The following PLD1 variants were observed in gnomAD, a reference collection of about 807,000 sequenced individuals.
The protein encoded by PLD1 is choline phosphatase 1.
In PLD1, 112 loss-of-function variants were observed where a neutral mutation model predicts 137.1. The observed-to-expected ratio is 0.82, with a 90% CI of 0.70 to 0.96. The LOEUF (loss-of-function observed/expected upper bound fraction) is 0.96. Ranked by LOEUF, PLD1 falls within the 40% of genes least tolerant of loss-of-function variation. PLD1 has a pLI of 0.00. For missense variants in PLD1, 1,321 were observed against 1,342.0 expected (o/e 0.98, Z 0.24); for synonymous variants, 431 against 454.7 (o/e 0.95, Z 0.66).
intron 1 of PLD1, among the ~76,000 whole-genome samples, chr3:171,752,300 G>A (rs1021111217): frequency 2.0e-5 from 3 of 152,210 alleles, no homozygotes; most frequent in Admixed American, 2.0e-4. Flanking sequence ...AACTTTAGAA[G>A]AGTGGTAACC....
chr3:171,724,086 T>C (rs941174621), intron 8 of PLD1, among the ~76,000 whole-genome samples: 5 of 152,238 alleles, frequency 3.3e-5, no homozygotes, highest in African/African-American at 9.6e-5. Context: ...TCCATAATAC[T>C]GCTATTATAA....
intron 23 of PLD1, among the ~76,000 whole-genome samples, chr3:171,639,583 C>CATATAATATATATTAT (rs1560170054): frequency 7.9e-4 from 53 of 66,754 alleles, no homozygotes; most frequent in African/African-American, 3.4e-3. Context: ...AATATATATT[C>CATATAATATATATTAT]ATATAATATA....
rs2276793 is a variant in PLD1, at chr3:171,677,235, G to A, written c.1996+331C>T. On this transcript the variant is annotated intron_variant, in intron 17 of 26. Coordinates refer to ENST00000351298, the MANE Select transcript of PLD1 (RefSeq NM_002662.5). ...CCTGAAAATATGCCATTCTAACGCTGGAAATGCAGGAAATAAGCAGAATAG... is the reference window on the plus strand; with the variant it reads ...CCTGAAAATATGCCATTCTAACGCTAGAAATGCAGGAAATAAGCAGAATAG... Among the ~76,000 whole-genome samples, 62,009 of 151,712 alleles carry A rather than the reference G, an allele frequency of 0.41. 12,896 individuals carry two copies. The highest frequency in any genetic ancestry group is 0.43 in the Non-Finnish European group (29,243 of 67,872).
At position 171,694,557 on chromosome 3, in the gene PLD1, C is replaced by CAA. The variant is rs3050444; in HGVS notation, c.1228-2117_1228-2116dup. 6.6e-4 allele frequency among the ~76,000 whole-genome samples: 89 copies of CAA among 133,984 alleles called. 1 individual carries two copies. The highest frequency in any genetic ancestry group is 2.2e-3 in the African/African-American group (81 of 36,784). 87.9% of individuals were successfully genotyped at this position (133,984 alleles called of 152,430 possible). A position where few individuals can be genotyped will look rare whatever the true frequency, so the allele number is the denominator to read the frequency against. On this transcript the variant is annotated intron_variant, in intron 12 of 26. Coordinates refer to ENST00000351298, the MANE Select transcript of PLD1 (RefSeq NM_002662.5). Reference sequence around the variant, plus strand: ...AGAATTCAGCACTGAATAATGGTTACAAAAAAAAAAAAGCCTTTCACTAAA... The same window carrying CAA: ...AGAATTCAGCACTGAATAATGGTTACAAAAAAAAAAAAAAGCCTTTCACTAAA...
intron 6 of PLD1, 72 bp from the exon 7 acceptor site, chr3:171,726,148 A>G: frequency 4.2e-6 from 4 of 962,828 alleles, no homozygotes; most frequent in Non-Finnish European, 6.8e-6. Context: ...AACATGTATT[A>G]GGTATAGCTG....
In PLD1 at chr3:171,764,921, A is replaced by AAGG. The variant is rs1246673073; in HGVS notation, c.-31-26840_-31-26839insCCT. Among the ~76,000 whole-genome samples the AAGG allele has an allele frequency of 5.1e-4, 15 of 29,498 alleles. 1 individual carries two copies. Among genetic ancestry groups the AAGG allele is most frequent in the Admixed American group, 3.7e-3 (9 of 2,462 alleles). 19.4% of individuals were successfully genotyped at this position (29,498 alleles called of 152,430 possible). ...GAAGGAAGGAAGGAAGGAAAGAAAGAAAGGAAAGAAAGGAAAGAAAGAAAG... is the reference window on the plus strand; with the variant it reads ...GAAGGAAGGAAGGAAGGAAAGAAAGAAGGAAGGAAAGAAAGGAAAGAAAGAAAG... On this transcript the variant is annotated intron_variant, in intron 1 of 26. Transcript: ENST00000351298.
At chr3:171,802,678 A>G (rs1490337994) in intron 1 of PLD1, among the ~76,000 whole-genome samples, 1 of 152,054 alleles carries the variant, frequency 6.6e-6, no homozygotes, top group African/African-American at 2.4e-5. Context: ...AGCACACCTG[A>G]CTCCTCTGAT....
intron 8 of PLD1, among the ~76,000 whole-genome samples, chr3:171,720,293 C>CAA (rs752618596): frequency 0.19 from 12,849 of 67,776 alleles, 1,520 homozygotes; most frequent in South Asian, 0.26. Flanking sequence ...GACCCTGTCT[C>CAA]AAAAAAAAAA....
chr3:171,728,720 A>G (rs1313856980), intron 6 of PLD1, among the ~76,000 whole-genome samples: 1 of 152,240 alleles, frequency 6.6e-6, no homozygotes, highest in Non-Finnish European at 1.5e-5. Flanking sequence ...AATAGTTGAC[A>G]ACAGAAATAT....
chr3:171,806,297 TTAA>T (rs777659003), intron 1 of PLD1, among the ~76,000 whole-genome samples: 4 of 152,238 alleles, frequency 2.6e-5, no homozygotes, highest in Non-Finnish European at 5.9e-5. Context: ...ACACTTTTGC[TTAA>T]TAACCCAGCA....
intron 1 of PLD1, among the ~76,000 whole-genome samples, chr3:171,770,888 C>CAAAAAAA (rs34683994): frequency 9.8e-5 from 4 of 40,870 alleles, no homozygotes; most frequent in Admixed American, 2.8e-4. Flanking sequence ...AACCCTATCT[C>CAAAAAAA]AAAAAAAAAA....
chr3:171,747,961 ATG>A (rs1720365544), intron 1 of PLD1, among the ~76,000 whole-genome samples: 1 of 152,256 alleles, frequency 6.6e-6, no homozygotes, highest in Admixed American at 6.5e-5. Flanking sequence ...TTACATGAAT[ATG>A]AAGTTGTCTG....
At chr3:171,679,412 G>A (rs958911679) in intron 16 of PLD1, among the ~76,000 whole-genome samples, 1 of 152,116 alleles carries the variant, frequency 6.6e-6, no homozygotes, top group Non-Finnish European at 1.5e-5. Context: ...GCCAAAGTAC[G>A]GGTAGGTCTG....
intron 8 of PLD1, among the ~76,000 whole-genome samples, chr3:171,720,417 C>T (rs1469302377): frequency 6.6e-5 from 10 of 151,618 alleles, no homozygotes; most frequent in Admixed American, 6.6e-4. Context: ...CCCGTCTCTA[C>T]TAAAAATACA....
chr3:171,764,978 GAAAGAAA>G (rs1721863216), intron 1 of PLD1, among the ~76,000 whole-genome samples: 1 of 64,326 alleles, frequency 1.6e-5, no homozygotes, highest in South Asian at 5.1e-4. Flanking sequence ...AAGAAAGAAA[GAAAGAAA>G]GAAAGAAAGA....
rs74675410 is a variant in PLD1 at position 171,712,023 on chromosome 3, G to A, written c.911+1870C>T. The stretch of plus-strand genomic sequence containing the variant: ...TCATACCAATGTAAGAAGACTATGC[G>A]TGAGGAGGGAGGTTGCTTTTTTGAG... On this transcript the variant is annotated intron_variant, in intron 9 of 26. Transcript: ENST00000351298. 6.2e-3 allele frequency among the ~76,000 whole-genome samples: 940 copies of A among 152,286 alleles called. 8 individuals carry two copies. The highest frequency in any genetic ancestry group is 0.022 in the African/African-American group (900 of 41,560).
chr3:171,651,945 T>A (rs1476587582), intron 21 of PLD1, among the ~76,000 whole-genome samples: 1 of 152,160 alleles, frequency 6.6e-6, no homozygotes, highest in East Asian at 1.9e-4. Flanking sequence ...GAGGTTACCA[T>A]TTTATACAAT....
chr3:171,626,379 G>C (rs1734108065), intron 23 of PLD1, among the ~76,000 whole-genome samples: 1 of 152,216 alleles, frequency 6.6e-6, no homozygotes, highest in African/African-American at 2.4e-5. Flanking sequence ...CGTCTGATTA[G>C]TGTACCTGAA....
intron 19 of PLD1, among the ~76,000 whole-genome samples, chr3:171,668,347 C>A (rs187141818): frequency 6.6e-6 from 1 of 152,300 alleles, no homozygotes; most frequent in Non-Finnish European, 1.5e-5. Context: ...TTACCCCCAC[C>A]TGCTCACTTT....
Sources: gnomAD v4.1 joint callset for allele counts (sites outside exome capture counted in the v4.1 genomes callset) on GRCh38, gnomAD v4.1.1 for gene constraint, MANE v1.5 for transcripts, NCBI Gene and HGNC (gene_info 2026-07-23, HGNC 2026-07-21) for gene names.